Variants in PCDHB5 observed in about 807,000 individuals in gnomAD.
The protein encoded by PCDHB5 is protocadherin beta-5.
For synonymous variants in PCDHB5, 569 were observed against 462.2 expected, an observed-to-expected ratio of 1.23 and a Z score of -2.96; for missense variants, 1,125 against 1,029.4, an observed-to-expected ratio of 1.09 and a Z score of -1.27.
Position 141,137,839 on chromosome 5 carries a change from C to G in PCDHB5, c.*17C>G. ...TTAAATTAGAGATCTCGTGATGACG[C>G]GTTGTTTTCTGCCATTTATCCCAAA... On this transcript the variant is annotated 3_prime_UTR_variant, in exon 1 of 1. Coordinates refer to ENST00000231134, the MANE Select transcript of PCDHB5 (RefSeq NM_015669.5). 3 of 1,548,232 alleles carry G rather than the reference C, an allele frequency of 1.9e-6. No individual in the cohort carries two copies. Among genetic ancestry groups the G allele is most frequent in the Non-Finnish European group, 2.6e-6 (3 of 1,146,430 alleles).
Position 141,135,552 on chromosome 5 carries a change from G to A in PCDHB5, c.118G>A (p.Glu40Lys). The A allele has an allele frequency of 1.2e-6, 2 of 1,614,186 alleles. No individual in the cohort carries two copies. Among genetic ancestry groups the A allele is most frequent in the Middle Eastern group, 1.6e-4 (1 of 6,062 alleles). ...TAGGTATTCCATACCAGAAGAAACA[G>A]AAAGTGGCTATTCTGTGGCCAACCT... ...AVRYSIPEET[E>K]SGYSVANLAK... is the part of the protein sequence containing the mutation. Residue 40 changes from glutamate to lysine, a missense_variant, in exon 1 of 1, where the codon GAA becomes AAA. Transcript: ENST00000231134.
Position 141,135,968 on chromosome 5 carries a change from T to C in PCDHB5, c.534T>C (p.Phe178=). ...QNYTISPNSH[F]HVATHNRGDG... is the part of the protein sequence containing the mutation. ...ACACAATCAGCCCAAATTCACACTT[T>C]CATGTTGCTACGCATAATCGCGGAG... is the stretch of plus-strand genomic sequence containing the variant. The change falls in exon 1 of 1, where the codon TTT becomes TTC. Residue 178 remains phenylalanine, a synonymous_variant. Coordinates refer to ENST00000231134, the MANE Select transcript of PCDHB5 (RefSeq NM_015669.5). The C allele has an allele frequency of 2.5e-6, 4 of 1,614,190 alleles. No homozygotes were observed. Among genetic ancestry groups the C allele is most frequent in the Non-Finnish European group, 3.4e-6 (4 of 1,180,032 alleles).
rs1349635182 is a variant in PCDHB5 at position 141,135,640 on chromosome 5, A to G, written c.206A>G (p.Lys69Arg). The part of the protein sequence containing the change: ...LATRGARMHY[K>R]GNKELLQLDI... Reference sequence around the variant, plus strand: ...ACTCGGGGCGCGCGAATGCATTACAAAGGAAACAAAGAGCTCTTGCAGCTT... The same window carrying G: ...ACTCGGGGCGCGCGAATGCATTACAGAGGAAACAAAGAGCTCTTGCAGCTT... The change falls in exon 1 of 1, where the codon AAA becomes AGA. Residue 69 changes from lysine (K) to arginine (R), a missense_variant. Lys to Arg is a conservative substitution (Grantham distance 26). Transcript: ENST00000231134. 5.6e-6 allele frequency: 9 copies of G among 1,614,008 alleles called. No individual in the cohort carries two copies. Among genetic ancestry groups the G allele is most frequent in the Admixed American group, 1.7e-5 (1 of 59,998 alleles).
In PCDHB5 at chr5:141,137,160, C is replaced by T. The variant is rs1465548833; in HGVS notation, c.1726C>T (p.Pro576Ser). The change falls in exon 1 of 1, where the codon CCC becomes TCC. Residue 576 changes from proline to serine, a missense_variant. Transcript: ENST00000231134. Reference protein sequence around the residue: ...NGSAPCTELVPRAAEPGYLVT... With the variant: ...NGSAPCTELVSRAAEPGYLVT... ...CTCGGCGCCTTGCACCGAGCTGGTG[C>T]CCCGGGCGGCCGAGCCGGGCTACCT... 7.5e-6 allele frequency: 12 copies of T among 1,610,576 alleles called. No individual in the cohort carries two copies. The highest frequency in any genetic ancestry group is 2.2e-5 in the East Asian group (1 of 44,846).
In PCDHB5 at chr5:141,136,748, C is replaced by T. The variant is rs782238479; in HGVS notation, c.1314C>T (p.Val438=). 1 of 1,614,108 alleles carries T rather than the reference C, an allele frequency of 6.2e-7. No homozygotes were observed. Among genetic ancestry groups the T allele is most frequent in the Admixed American group, 1.7e-5 (1 of 60,026 alleles). The change falls in exon 1 of 1, where the codon GTC becomes GTT. Residue 438 remains valine (V), a synonymous_variant. Transcript: ENST00000231134. ...TGAAAACCGAGCACAACATAACGGT[C>T]CTGGTCTCCGACGTCAATGACAACG... The part of the protein sequence containing the change: ...PRLKTEHNIT[V]LVSDVNDNAP...
In PCDHB5 at chr5:141,136,761, G is replaced by C. The variant is rs782331694; in HGVS notation, c.1327G>C (p.Val443Leu). 6.2e-7 allele frequency: 1 copy of C among 1,613,982 alleles called. No individual in the cohort carries two copies. The highest frequency in any genetic ancestry group is 1.1e-5 in the South Asian group (1 of 91,060). ...EHNITVLVSD[V>L]NDNAPAFTQT... ...CAACATAACGGTCCTGGTCTCCGAC[G>C]TCAATGACAACGCCCCCGCCTTCAC... Residue 443 changes from valine to leucine, a missense_variant, in exon 1 of 1, where the codon GTC (valine) becomes CTC (leucine). Physicochemically the swap from Val to Leu is conservative, Grantham distance 32 (BLOSUM62 1). Transcript: ENST00000231134.
chr5:141,136,813 GAGAGA>G lies in PCDHB5; in HGVS notation c.1381_1385del (p.Glu461GlnfsTer132), dbSNP rs782745433. 5 of 1,613,482 alleles carry G rather than the reference GAGAGA, an allele frequency of 3.1e-6. No individual in the cohort carries two copies. The Admixed American group carries it at 5.0e-5, about 16-fold the overall frequency. The stretch of plus-strand genomic sequence containing the variant: ...CAAACCTCCTACACCCTGTTCGTCC[GAGAGA>G]ACAACAGCCCCGCCCTGCACATCGG... On this transcript the variant is annotated frameshift_variant, in exon 1 of 1. Transcript: ENST00000231134. LOFTEE classifies it low-confidence loss of function (END_TRUNC).
chr5:141,136,824 A>G lies in PCDHB5; in HGVS notation c.1390A>G (p.Ser464Gly), dbSNP rs1341659491. The change falls in exon 1 of 1, where the codon AGC becomes GGC. Residue 464 changes from serine (S) to glycine (G), a missense_variant. Coordinates refer to ENST00000231134, the MANE Select transcript of PCDHB5 (RefSeq NM_015669.5). The stretch of plus-strand genomic sequence containing the variant: ...CACCCTGTTCGTCCGAGAGAACAAC[A>G]GCCCCGCCCTGCACATCGGCAGTGT... The part of the protein sequence containing the change: ...SYTLFVRENN[S>G]PALHIGSVSA... The G allele has an allele frequency of 6.2e-7, 1 of 1,613,426 alleles. No individual in the cohort carries two copies. Among genetic ancestry groups the G allele is most frequent in the Admixed American group, 1.7e-5 (1 of 60,008 alleles).
In PCDHB5 at chr5:141,137,775, G is replaced by C. The variant is rs1554276304; in HGVS notation, c.2341G>C (p.Glu781Gln). 1.9e-6 allele frequency: 3 copies of C among 1,613,250 alleles called. No individual in the cohort carries two copies. The Admixed American group carries it at 5.0e-5, about 27-fold the overall frequency. The change falls in exon 1 of 1, where the codon GAA (glutamate) becomes CAA (glutamine). Residue 781 changes from glutamate to glutamine, a missense_variant. Transcript: ENST00000231134. ...CCTTTTGCCCCAGGGCGCTGGTGAA[G>C]AAATAGGGAAAACTGCTGCCTTCCG... ...PNLLPQGAGE[E>Q]IGKTAAFRNS...
Position 141,137,321 on chromosome 5 carries a change from G to C in PCDHB5, c.1887G>C (p.Leu629=). The change falls in exon 1 of 1, where the codon CTG becomes CTC. Residue 629 remains leucine (L), a synonymous_variant. Coordinates refer to ENST00000231134, the MANE Select transcript of PCDHB5 (RefSeq NM_015669.5). ...HNGEVRTARL[L]SERDAAKHRL... Reference sequence around the variant, plus strand: ...GCGAGGTGCGCACCGCCAGGCTGCTGAGCGAGCGCGACGCGGCCAAGCACA... The same window carrying C: ...GCGAGGTGCGCACCGCCAGGCTGCTCAGCGAGCGCGACGCGGCCAAGCACA... 6.2e-7 allele frequency: 1 copy of C among 1,610,010 alleles called. No individual in the cohort carries two copies. The highest frequency in any genetic ancestry group is 1.3e-5 in the African/African-American group (1 of 74,984).
Position 141,135,803 on chromosome 5 carries a change from C to G in PCDHB5, c.369C>G (p.Leu123=). 6.2e-7 allele frequency: 1 copy of G among 1,613,832 alleles called. No individual in the cohort carries two copies. Among genetic ancestry groups the G allele is most frequent in the Non-Finnish European group, 8.5e-7 (1 of 1,179,790 alleles). The change falls in exon 1 of 1, where the codon CTC becomes CTG. Residue 123 remains leucine (L), a synonymous_variant. Transcript: ENST00000231134. ...AGTTTTTTCAAACTGATCTGCAGCT[C>G]ACAGATATAAATGACCATGCCCCAG... ...PVQFFQTDLQ[L]TDINDHAPEF...
chr5:141,137,535 C>T lies in PCDHB5; in HGVS notation c.2101C>T (p.Leu701Phe). Residue 701 changes from leucine (L) to phenylalanine (F), a missense_variant, in exon 1 of 1, where the codon CTC (leucine) becomes TTC (phenylalanine). Transcript: ENST00000231134. ...VALASVSSLF[L>F]FSVLLFVAVR... ...ATTGGCCTCGGTGTCGTCGCTCTTCCTCTTTTCGGTGCTCCTGTTCGTGGC... is the reference window on the plus strand; with the variant it reads ...ATTGGCCTCGGTGTCGTCGCTCTTCTTCTTTTCGGTGCTCCTGTTCGTGGC... 6.2e-7 allele frequency: 1 copy of T among 1,612,484 alleles called. No individual in the cohort carries two copies. Among genetic ancestry groups the T allele is most frequent in the Non-Finnish European group, 8.5e-7 (1 of 1,179,640 alleles).
chr5:141,136,003 A>G lies in PCDHB5; in HGVS notation c.569A>G (p.Lys190Arg). Reference sequence around the variant, plus strand: ...ACGCATAATCGCGGAGATGGCAGAAAATACCCAGAGCTGGTGCTGGACAAA... The same window carrying G: ...ACGCATAATCGCGGAGATGGCAGAAGATACCCAGAGCTGGTGCTGGACAAA... ...VATHNRGDGRKYPELVLDKAL... is the reference protein window; with the variant it reads ...VATHNRGDGRRYPELVLDKAL... The change falls in exon 1 of 1, where the codon AAA (lysine) becomes AGA (arginine). Residue 190 changes from lysine (K) to arginine (R), a missense_variant. Lys to Arg is a conservative substitution (Grantham distance 26, BLOSUM62 2). Coordinates refer to ENST00000231134, the MANE Select transcript of PCDHB5 (RefSeq NM_015669.5). 6.2e-7 allele frequency: 1 copy of G among 1,614,238 alleles called. No homozygotes were observed. The highest frequency in any genetic ancestry group is 8.5e-7 in the Non-Finnish European group (1 of 1,180,036).
rs1752590583 is a variant in PCDHB5, at chr5:141,136,811, C to T, written c.1377C>T (p.Val459=). Residue 459 remains valine (V), a synonymous_variant, in exon 1 of 1, where the codon GTC becomes GTT. Transcript: ENST00000231134. ...AFTQTSYTLF[V]RENNSPALHI... is the part of the protein sequence containing the mutation. ...CCCAAACCTCCTACACCCTGTTCGT[C>T]CGAGAGAACAACAGCCCCGCCCTGC... is the stretch of plus-strand genomic sequence containing the variant. The T allele has an allele frequency of 1.2e-6, 2 of 1,613,638 alleles. No individual in the cohort carries two copies. The highest frequency in any genetic ancestry group is 1.7e-6 in the Non-Finnish European group (2 of 1,180,030).
Position 141,137,093 on chromosome 5 carries a change from C to G in PCDHB5, c.1659C>G (p.Ala553=), listed in dbSNP as rs73271733. Residue 553 remains alanine (A), a synonymous_variant, in exon 1 of 1, where the codon GCC becomes GCG. Transcript: ENST00000231134. ...TGGTGCGCGTGCTGGTGCTGGACGC[C>G]AACGACAACTCGCCCTTCGTGCTGT... ...EALVRVLVLD[A]NDNSPFVLYP... is the part of the protein sequence containing the mutation. The G allele has an allele frequency of 1.5e-3, 2,485 of 1,611,632 alleles. 49 individuals are homozygous for G. The African/African-American group carries it at 0.027, about 18-fold the overall frequency.
rs1265120526 is a variant in PCDHB5, at chr5:141,136,730, C to T, written c.1296C>T (p.Thr432=). 5 of 1,614,114 alleles carry T rather than the reference C, an allele frequency of 3.1e-6. No individual in the cohort carries two copies. The highest frequency in any genetic ancestry group is 1.3e-5 in the African/African-American group (1 of 75,008). Reference sequence around the variant, plus strand: ...ACATGGGGACACCCAGGCTGAAAACCGAGCACAACATAACGGTCCTGGTCT... The same window carrying T: ...ACATGGGGACACCCAGGCTGAAAACTGAGCACAACATAACGGTCCTGGTCT... ...VTDMGTPRLK[T]EHNITVLVSD... is the part of the protein sequence containing the mutation. The change falls in exon 1 of 1, where the codon ACC becomes ACT. Residue 432 remains threonine, a synonymous_variant. Coordinates refer to ENST00000231134, the MANE Select transcript of PCDHB5 (RefSeq NM_015669.5).
chr5:141,135,624 G>T lies in PCDHB5; in HGVS notation c.190G>T (p.Ala64Ser). Reference protein sequence around the residue: ...LGVGELATRGARMHYKGNKEL... With the variant: ...LGVGELATRGSRMHYKGNKEL... ...GGTGGGGGAACTGGCCACTCGGGGC[G>T]CGCGAATGCATTACAAAGGAAACAA... Residue 64 changes from alanine to serine, a missense_variant, in exon 1 of 1, where the codon GCG (alanine) becomes TCG (serine). Transcript: ENST00000231134. 1.9e-6 allele frequency: 3 copies of T among 1,614,116 alleles called. No homozygotes were observed. Among genetic ancestry groups the T allele is most frequent in the Non-Finnish European group, 2.5e-6 (3 of 1,180,028 alleles).
chr5:141,135,456 A>G lies in PCDHB5; in HGVS notation c.22A>G (p.Thr8Ala). 1 of 1,611,014 alleles carries G rather than the reference A, an allele frequency of 6.2e-7. No homozygotes were observed. The highest frequency in any genetic ancestry group is 1.7e-4 in the Middle Eastern group (1 of 6,036). METALAK[T>A]PQKRQVMFLA... The stretch of plus-strand genomic sequence containing the variant: ...AACAATGGAGACTGCGCTAGCAAAA[A>G]CGCCACAGAAAAGGCAAGTTATGTT... The change falls in exon 1 of 1, where the codon ACG (threonine) becomes GCG (alanine). Residue 8 changes from threonine to alanine, a missense_variant. By Grantham distance (58) the Thr-to-Ala change is moderately conservative (BLOSUM62 0). Transcript: ENST00000231134.
In PCDHB5 at chr5:141,137,751, C is replaced by A. The variant is rs75803508; in HGVS notation, c.2317C>A (p.Leu773Ile). The change falls in exon 1 of 1, where the codon CTT (leucine) becomes ATT (isoleucine). Residue 773 changes from leucine (L) to isoleucine (I), a missense_variant. Physicochemically the swap from Leu to Ile is conservative, Grantham distance 5 (BLOSUM62 2). Transcript: ENST00000231134. Reference protein sequence around the residue: ...FKFLKPIIPNLLPQGAGEEIG... With the variant: ...FKFLKPIIPNILPQGAGEEIG... The stretch of plus-strand genomic sequence containing the variant: ...GTTCCTGAAGCCGATTATTCCTAAC[C>A]TTTTGCCCCAGGGCGCTGGTGAAGA... 3 of 1,614,190 alleles carry A rather than the reference C, an allele frequency of 1.9e-6. No homozygotes were observed. The highest frequency in any genetic ancestry group is 2.2e-5 in the East Asian group (1 of 44,874).
Sources: gnomAD v4.1 joint callset for allele counts on GRCh38, gnomAD v4.1.1 for gene constraint, MANE v1.5 for transcripts, NCBI Gene and HGNC (gene_info 2026-07-23, HGNC 2026-07-21) for gene names.